Variants in TULP4 observed in about 807,000 individuals in gnomAD.
TULP4 encodes tubby-related protein 4.
A neutral mutation model predicts 129.0 loss-of-function variants in TULP4; 16 were observed. The observed-to-expected ratio is 0.12, with a 90% CI of 0.08 to 0.19. TULP4 has a LOEUF of 0.19. TULP4 is among the 10% of genes least tolerant of loss of function. The pLI is 1.00. For missense variants in TULP4, 1,842 were observed against 2,059.1 expected (o/e 0.89, Z 2.04); for synonymous variants, 998 against 854.0 (o/e 1.17, Z -2.94).
upstream of TULP4, among the ~76,000 whole-genome samples, chr6:158,278,896 C>A (rs1778691789): frequency 6.6e-6 from 1 of 151,634 alleles, no homozygotes; most frequent in Non-Finnish European, 1.5e-5. Context: ...TTTACGTAGG[C>A]CCCATGGGGA....
At chr6:158,292,751 C>G (rs1778967212) in intron 1 of TULP4, among the ~76,000 whole-genome samples, 1 of 152,074 alleles carries the variant, frequency 6.6e-6, no homozygotes, top group Admixed American at 6.5e-5. Context: ...ATCCTTATAG[C>G]CAAGTCTTTG....
intron 1 of TULP4, among the ~76,000 whole-genome samples, chr6:158,378,041 C>G (rs547090517): frequency 9.9e-4 from 151 of 152,274 alleles, no homozygotes; most frequent in African/African-American, 3.1e-3. Context: ...TCAGAGGCAG[C>G]TAGGCCACAT....
intron 1 of TULP4, among the ~76,000 whole-genome samples, chr6:158,257,086 A>C (rs6919362): frequency 0.33 from 49,929 of 152,028 alleles, 9,170 homozygotes; most frequent in Admixed American, 0.45. Context: ...GATCAGGCTT[A>C]GTAGCCTGAT....
intron 1 of TULP4, among the ~76,000 whole-genome samples, chr6:158,403,724 A>G (rs983309689): frequency 2.6e-5 from 4 of 152,168 alleles, no homozygotes; most frequent in African/African-American, 9.7e-5. Flanking sequence ...CTTAACTAGT[A>G]TTTTAATTTG....
chr6:158,314,844 A>G (rs1441108632), intron 1 of TULP4, among the ~76,000 whole-genome samples: 1 of 152,238 alleles, frequency 6.6e-6, no homozygotes, highest in Admixed American at 6.5e-5. Flanking sequence ...TATTGAGGCT[A>G]TTATGCCATA....
At chr6:158,467,506 C>G (rs1194183909) in intron 6 of TULP4, among the ~76,000 whole-genome samples, 1 of 152,082 alleles carries the variant, frequency 6.6e-6, no homozygotes, top group Non-Finnish European at 1.5e-5. Context: ...TGGTCTTGAA[C>G]TCCTGACCTC....
At chr6:158,310,677 T>G (rs1228613773), upstream of TULP4, among the ~76,000 whole-genome samples, 1 of 151,890 alleles carries the variant, frequency 6.6e-6, no homozygotes, top group Non-Finnish European at 1.5e-5. Context: ...CCTCTAACAC[T>G]GGGGGTTACG....
chr6:158,276,130 C>T (rs549738303), intron 1 of TULP4, among the ~76,000 whole-genome samples: 34 of 151,978 alleles, frequency 2.2e-4, no homozygotes, highest in Non-Finnish European at 3.5e-4. Flanking sequence ...CCACCATGCC[C>T]GGCTAGTTTT....
At chr6:158,491,455 TTTTCTTTCTTTCTTTCTTTTC>T (rs1780203429) in intron 9 of TULP4, among the ~76,000 whole-genome samples, 2 of 28,084 alleles carry the variant, frequency 7.1e-5, no homozygotes, top group East Asian at 2.7e-3. Flanking sequence ...TCTTTCTTTC[TTTTCTTTCTTTCTTTCTTTTC>T]TTTCTTTCTT....
intron 13 of TULP4, 33 bp downstream of exon 13, chr6:158,504,211 CAGGAGGCG>C: frequency 2.0e-6 from 3 of 1,486,946 alleles, no homozygotes; most frequent in Non-Finnish European, 1.8e-6. Flanking sequence ...GCTGCGAGCC[CAGGAGGCG>C]AGGGTTTCAG....
At chr6:158,317,441 T>G (rs1393271925) in intron 1 of TULP4, among the ~76,000 whole-genome samples, 1 of 151,888 alleles carries the variant, frequency 6.6e-6, no homozygotes. Context: ...CTTGTGATAG[T>G]TTGCTGAGAA....
rs946698211 is a variant in TULP4 at position 158,249,981 on chromosome 6, T to G, written n.68+17678T>G. ...TGGTCCCTGCTAGGCTAAAACTGCTTCTTTTTTTGAGACGGAGTCTTGCTG... is the reference window on the plus strand; with the variant it reads ...TGGTCCCTGCTAGGCTAAAACTGCTGCTTTTTTTGAGACGGAGTCTTGCTG... On this transcript the variant is annotated intron_variant and non_coding_transcript_variant, in intron 1 of 1. Transcript: ENST00000620026. 6.6e-5 allele frequency among the ~76,000 whole-genome samples: 10 copies of G among 152,128 alleles called. No individual in the cohort carries two copies. The East Asian group carries it at 7.7e-4, about 12-fold the overall frequency.
At chr6:158,494,911 C>A in intron 11 of TULP4, 65 bp downstream of exon 11, 1 of 1,372,992 alleles carries the variant, frequency 7.3e-7, no homozygotes. Flanking sequence ...CAGTTTCCAC[C>A]TTTAGTGGCT....
At chr6:158,476,062 G>A (rs1268163570) in intron 6 of TULP4, among the ~76,000 whole-genome samples, 1 of 152,144 alleles carries the variant, frequency 6.6e-6, no homozygotes, top group Non-Finnish European at 1.5e-5. Context: ...CTTCAGACAA[G>A]AGGGGCAGTT....
chr6:158,339,342 G>A (rs1435587645), intron 1 of TULP4, among the ~76,000 whole-genome samples: 1 of 152,152 alleles, frequency 6.6e-6, no homozygotes, highest in Non-Finnish European at 1.5e-5. Context: ...AGGTCAGGGC[G>A]GGATCACAAG....
At chr6:158,395,016 A>T (rs1197424976) in intron 1 of TULP4, among the ~76,000 whole-genome samples, 2 of 152,060 alleles carry the variant, frequency 1.3e-5, no homozygotes, top group Non-Finnish European at 2.9e-5. Flanking sequence ...TTAAATCATC[A>T]GATCTCGTGA....
chr6:158,460,328 A>G (rs1225310750), intron 5 of TULP4, among the ~76,000 whole-genome samples: 1 of 152,186 alleles, frequency 6.6e-6, no homozygotes, highest in Non-Finnish European at 1.5e-5. Context: ...TCTCTGAAAT[A>G]TGTGCCCATC....
chr6:158,378,485 T>TTGTGGG, intron 1 of TULP4, among the ~76,000 whole-genome samples: 1 of 51,414 alleles, frequency 1.9e-5, no homozygotes, highest in Non-Finnish European at 3.9e-5. Context: ...TTTTTTTTTT[T>TTGTGGG]GGTGGGGGTG....
Position 158,331,724 on chromosome 6 carries a change from C to CGT in TULP4, c.252+17456_252+17457insGT, listed in dbSNP as rs1461352017. On this transcript the variant is annotated intron_variant, in intron 1 of 13. Coordinates refer to ENST00000367097, the MANE Select transcript of TULP4 (RefSeq NM_020245.5). ...ACACACACACACACACACACACACA[C>CGT]ACACATACGTATATATATACGTGTA... Among the ~76,000 whole-genome samples the CGT allele has an allele frequency of 4.4e-3, 118 of 26,600 alleles. 19 individuals carry two copies. The highest frequency in any genetic ancestry group is 0.029 in the Middle Eastern group (1 of 34). The allele number at this position is 26,600 out of a possible 152,430, so 17.5% of individuals were successfully genotyped here. A position where few individuals can be genotyped will look rare whatever the true frequency, so the allele number is the denominator to read the frequency against.
Sources: allele counts gnomAD v4.1 joint callset (sites outside exome capture counted in the v4.1 genomes callset), GRCh38; gene constraint gnomAD v4.1.1; transcripts MANE v1.5; gene names NCBI Gene and HGNC (gene_info 2026-07-23, HGNC 2026-07-21).